The following CTIF variants were observed in gnomAD, a reference collection of about 807,000 sequenced individuals.
The protein encoded by CTIF is cap binding complex dependent translation initiation factor.
In CTIF, 21 loss-of-function variants were observed where a neutral mutation model predicts 66.0. That is an observed-to-expected ratio of 0.32 (90% confidence interval 0.23 to 0.46). The LOEUF (loss-of-function observed/expected upper bound fraction) is 0.46, where lower values mean the gene tolerates loss of function less well. Ranked by LOEUF, CTIF falls within the 20% of genes least tolerant of loss-of-function variation. The pLI is 1.00. For synonymous variants in CTIF, 345 were observed against 326.4 expected (o/e 1.06, Z -0.62); for missense variants, 739 against 812.7 (o/e 0.91, Z 1.10).
At position 48,589,300 on chromosome 18, in the gene CTIF, C is replaced by T. The variant is rs77431452; in HGVS notation, c.-28-30238C>T. On this transcript the variant is annotated intron_variant, in intron 1 of 11. Transcript: ENST00000256413. ...GTCTGTTCCAGCTTTTCTCCTGGCTCGAGGCAGCTCCCAACAGTCCTTGGC... is the reference window on the plus strand; with the variant it reads ...GTCTGTTCCAGCTTTTCTCCTGGCTTGAGGCAGCTCCCAACAGTCCTTGGC... Among the ~76,000 whole-genome samples the T allele has an allele frequency of 2.7e-3, 414 of 152,210 alleles. 3 individuals carry two copies. The highest frequency in any genetic ancestry group is 4.7e-3 in the Non-Finnish European group (320 of 68,002).
chr18:48,786,740 T>A (rs1479626967), intron 9 of CTIF, among the ~76,000 whole-genome samples: 1 of 152,016 alleles, frequency 6.6e-6, no homozygotes, highest in Non-Finnish European at 1.5e-5. Flanking sequence ...GGGTATGGAG[T>A]CCACACCTGG....
chr18:48,840,901 CT>C (rs561744099), intron 10 of CTIF, among the ~76,000 whole-genome samples: 1 of 144,742 alleles, frequency 6.9e-6, no homozygotes, highest in East Asian at 2.2e-4. Flanking sequence ...AGATGGGCAC[CT>C]CTGTCTGGAA....
intron 7 of CTIF, among the ~76,000 whole-genome samples, chr18:48,741,287 C>A (rs1266044646): frequency 1.4e-5 from 2 of 139,006 alleles, no homozygotes; most frequent in Admixed American, 7.7e-5. Context: ...CCCGCCCCCC[C>A]TCCTTGGTAC....
chr18:48,733,869 C>G (rs556142985), intron 7 of CTIF, among the ~76,000 whole-genome samples: 2 of 152,322 alleles, frequency 1.3e-5, no homozygotes, highest in African/African-American at 2.4e-5. Flanking sequence ...ACTAAGCCCT[C>G]CCTTCCCCCA....
chr18:48,649,031 C>G (rs2091105420), intron 3 of CTIF, among the ~76,000 whole-genome samples: 1 of 152,226 alleles, frequency 6.6e-6, no homozygotes, highest in Non-Finnish European at 1.5e-5. Context: ...CAGCTCCCAG[C>G]ATGATTGATG....
At chr18:48,750,592 GCACA>G (rs2145814512) in intron 7 of CTIF, among the ~76,000 whole-genome samples, 1 of 152,338 alleles carries the variant, frequency 6.6e-6, no homozygotes, top group South Asian at 2.1e-4. Flanking sequence ...GCTGTTCCCA[GCACA>G]GATGGAAACC....
chr18:48,841,471 G>A (rs967192850), intron 10 of CTIF, among the ~76,000 whole-genome samples: 19 of 152,326 alleles, frequency 1.2e-4, no homozygotes, highest in Admixed American at 8.5e-4. Context: ...TGGTTTAGTC[G>A]CCCCCAGGGA....
At chr18:48,620,166 T>C (rs890527698) in intron 2 of CTIF, among the ~76,000 whole-genome samples, 2 of 152,150 alleles carry the variant, frequency 1.3e-5, no homozygotes, top group Non-Finnish European at 2.9e-5. Flanking sequence ...CAAATACAAG[T>C]AGTTGTTGGT....
chr18:48,588,649 C>T (rs112975073), intron 1 of CTIF, among the ~76,000 whole-genome samples: 450 of 152,246 alleles, frequency 3.0e-3, no homozygotes, highest in African/African-American at 0.01. Flanking sequence ...ATCCGTCCTT[C>T]CTTCTCCTGG....
intron 1 of CTIF, among the ~76,000 whole-genome samples, chr18:48,588,200 C>A (rs1487240857): frequency 1.3e-5 from 2 of 152,210 alleles, no homozygotes; most frequent in African/African-American, 4.8e-5. Flanking sequence ...ATGGCCTCTC[C>A]CACAGAGGAC....
At chr18:48,716,193 C>T (rs929322493) in intron 7 of CTIF, among the ~76,000 whole-genome samples, 2 of 152,170 alleles carry the variant, frequency 1.3e-5, no homozygotes, top group African/African-American at 4.8e-5. Context: ...AAGCTGTGCC[C>T]GAGAATACGG....
At chr18:48,697,823 C>G (rs1451546351) in intron 6 of CTIF, among the ~76,000 whole-genome samples, 1 of 151,976 alleles carries the variant, frequency 6.6e-6, no homozygotes, top group East Asian at 1.9e-4. Context: ...AAGGGATCAC[C>G]TCCTCCTGAT....
intron 1 of CTIF, among the ~76,000 whole-genome samples, chr18:48,613,704 A>G (rs944998120): frequency 6.6e-6 from 1 of 152,184 alleles, no homozygotes; most frequent in Non-Finnish European, 1.5e-5. Flanking sequence ...ACCCAGGAAG[A>G]GAGCCTGCAT....
rs761948658 is a variant in CTIF, at chr18:48,859,460, G to A, written c.1698G>A (p.Leu566=). 8 of 1,614,066 alleles carry A rather than the reference G, an allele frequency of 5.0e-6. No individual in the cohort carries two copies. The highest frequency in any genetic ancestry group is 6.8e-6 in the Non-Finnish European group (8 of 1,180,040). Residue 566 remains leucine, a synonymous_variant, in exon 12 of 12, where the codon CTG becomes CTA. Transcript: ENST00000256413. ...CGGAGTCCATGCTGACCCGGTCGCT[G>A]CTCCTAGAGGTCATCGAGCTCCACG... ...CPSESMLTRS[L]LLEVIELHAN...
intron 7 of CTIF, among the ~76,000 whole-genome samples, chr18:48,739,610 G>GT (rs2092537277): frequency 6.6e-6 from 1 of 152,242 alleles, no homozygotes; most frequent in Non-Finnish European, 1.5e-5. Flanking sequence ...TGGAGACTGA[G>GT]TGAGCCTGTG....
chr18:48,720,653 G>C (rs911499037), intron 7 of CTIF, among the ~76,000 whole-genome samples: 6 of 152,000 alleles, frequency 3.9e-5, no homozygotes, highest in African/African-American at 1.5e-4. Flanking sequence ...CCCCAAGCAG[G>C]CTCTCTCTTG....
At chr18:48,658,553 T>C (rs2091284600) in intron 3 of CTIF, among the ~76,000 whole-genome samples, 1 of 152,052 alleles carries the variant, frequency 6.6e-6, no homozygotes, top group Non-Finnish European at 1.5e-5. Context: ...TATATGTACG[T>C]GTGGCACACA....
chr18:48,745,549 A>G (rs2092588957), intron 7 of CTIF, among the ~76,000 whole-genome samples: 2 of 152,234 alleles, frequency 1.3e-5, no homozygotes, highest in African/African-American at 4.8e-5. Flanking sequence ...TTCTAATTCC[A>G]TCATTCCTTC....
intron 10 of CTIF, among the ~76,000 whole-genome samples, chr18:48,844,516 C>G (rs1042242923): frequency 2.0e-5 from 3 of 152,228 alleles, no homozygotes; most frequent in Non-Finnish European, 4.4e-5. Context: ...GGGTGGTTTG[C>G]AAGCCCGGCA....
Sources: allele counts gnomAD v4.1 joint callset (sites outside exome capture counted in the v4.1 genomes callset), GRCh38; gene constraint gnomAD v4.1.1; transcripts MANE v1.5; gene names NCBI Gene and HGNC (gene_info 2026-07-23, HGNC 2026-07-21).